RYR3: variants seen among roughly 807,000 people sequenced by gnomAD.
RYR3 encodes ryanodine receptor 3, also known as brain ryanodine receptor-calcium release channel.
Under a neutral mutation model 584.3 loss-of-function variants are expected in RYR3, and 207 were observed. The observed-to-expected ratio is 0.35, with a 90% CI of 0.32 to 0.40. The LOEUF (loss-of-function observed/expected upper bound fraction) is 0.40, where lower values mean the gene tolerates loss of function less well. Ranked by LOEUF, RYR3 falls within the 10% of genes least tolerant of loss-of-function variation. The pLI is 1.00. For synonymous variants in RYR3, 2,416 were observed against 2,248.5 expected (o/e 1.07, Z -2.11); for missense variants, 5,616 against 6,089.2 (o/e 0.92, Z 2.59).
chr15:33,527,145 T>C (rs915149694), intron 3 of RYR3, among the ~76,000 whole-genome samples: 1 of 152,102 alleles, frequency 6.6e-6, no homozygotes, highest in Admixed American at 6.5e-5. Flanking sequence ...GGCAGTGATA[T>C]GCAAACTACA....
rs759994228 is a variant in RYR3 at position 33,825,561 on chromosome 15, C to A, written c.11073-42C>A. The A allele has an allele frequency of 1.9e-5, 25 of 1,299,822 alleles. No homozygotes were observed. The Admixed American group carries it at 4.3e-4, about 22-fold the overall frequency. 80.5% of individuals were successfully genotyped at this position (1,299,822 alleles called of 1,614,324 possible). ...TAACATTAGAAATCTGCTTTCCCAGCGTGCGTAGCCCTGAACCTTGTTTCT... is the reference window on the plus strand; with the variant it reads ...TAACATTAGAAATCTGCTTTCCCAGAGTGCGTAGCCCTGAACCTTGTTTCT... On this transcript the variant is annotated intron_variant, in intron 81 of 103. Transcript: ENST00000634891.
intron 94 of RYR3, chr15:33,849,804 G>A (rs2078971765): frequency 6.6e-6 from 1 of 152,156 alleles, no homozygotes; most frequent in African/African-American, 2.4e-5. Flanking sequence ...TACAACTAAG[G>A]ATATTTATTT....
intron 1 of RYR3, among the ~76,000 whole-genome samples, chr15:33,444,533 A>G (rs2046471348): frequency 6.6e-6 from 1 of 152,178 alleles, no homozygotes; most frequent in African/African-American, 2.4e-5. Flanking sequence ...CCTGCCCTCA[A>G]GGAGTTTACA....
At chr15:33,669,503 C>A in intron 37 of RYR3, 47 bp downstream of exon 37, 1 of 1,536,138 alleles carries the variant, frequency 6.5e-7, no homozygotes, top group Non-Finnish European at 9.0e-7. Context: ...CAAGAAGAGT[C>A]TGTTTTTGAT....
At chr15:33,437,201 A>G (rs1041712267) in intron 1 of RYR3, among the ~76,000 whole-genome samples, 1 of 152,000 alleles carries the variant, frequency 6.6e-6, no homozygotes, top group African/African-American at 2.4e-5. Flanking sequence ...ATAGTGGCCT[A>G]TTAAGCCTGG....
At chr15:33,476,345 A>C (rs2049378204) in intron 2 of RYR3, among the ~76,000 whole-genome samples, 1 of 152,216 alleles carries the variant, frequency 6.6e-6, no homozygotes, top group Non-Finnish European at 1.5e-5. Flanking sequence ...CCACTTAACT[A>C]AGTGATTGTT....
At chr15:33,693,801 G>C (rs2065626145) in intron 38 of RYR3, among the ~76,000 whole-genome samples, 1 of 152,214 alleles carries the variant, frequency 6.6e-6, no homozygotes, top group African/African-American at 2.4e-5. Context: ...CACTATCAGA[G>C]GATGAGTTTG....
intron 13 of RYR3, 95 bp downstream of exon 13, chr15:33,580,239 G>A: frequency 1.0e-6 from 1 of 992,100 alleles, no homozygotes; most frequent in Non-Finnish European, 1.5e-6. Context: ...GCATGCACGT[G>A]TTTATGAGAG....
intron 67 of RYR3, among the ~76,000 whole-genome samples, chr15:33,794,348 A>ACATATATAACATATATATATGTGTAT (rs369625654): frequency 6.9e-5 from 4 of 58,308 alleles, no homozygotes; most frequent in African/African-American, 2.1e-4. Context: ...TATATATAAA[A>ACATATATAACATATATATATGTGTAT]ATATATATAT....
In RYR3 at chr15:33,722,766, G is replaced by A. The variant is rs776894612; in HGVS notation, c.6671G>A (p.Arg2224His). 2.7e-5 allele frequency: 44 copies of A among 1,613,206 alleles called. No homozygotes were observed. The highest frequency in any genetic ancestry group is 8.8e-5 in the South Asian group (8 of 90,906). The change falls in exon 44 of 104, where the codon CGC becomes CAC. Residue 2224 changes from arginine (R) to histidine (H), a missense_variant. Transcript: ENST00000634891. ...ASVVVKLLIR[R>H]PECFGPALRG... The stretch of plus-strand genomic sequence containing the variant: ...GTTGTGGTCAAGCTGCTCATCAGAC[G>A]CCCAGAGTGCTTCGGCCCGGCCCTG...
chr15:33,563,832 C>A (rs2057548340), intron 11 of RYR3, among the ~76,000 whole-genome samples: 1 of 151,992 alleles, frequency 6.6e-6, no homozygotes, highest in African/African-American at 2.4e-5. Flanking sequence ...TAAGGCAACA[C>A]AGACTAGGAA....
rs757752048 is a variant in RYR3, at chr15:33,788,346, G to T, written c.9718G>T (p.Gly3240Cys). Residue 3240 changes from glycine (G) to cysteine (C), a missense_variant, in exon 67 of 104, where the codon GGC becomes TGC. Gly to Cys is a radical substitution (Grantham distance 159). This residue lies in a region of RYR3 where 954 missense variants were observed against 1,132.2 expected (regional missense o/e 0.84). Transcript: ENST00000634891. The stretch of plus-strand genomic sequence containing the variant: ...GGAGGAGGAGCAGTTGAAAGCCGAT[G>T]GCAAAGGGGACACCCAGGAGGCAGA... ...VQEEEQLKAD[G>C]KGDTQEAELL... 2 of 1,613,964 alleles carry T rather than the reference G, an allele frequency of 1.2e-6. No individual in the cohort carries two copies. Among genetic ancestry groups the T allele is most frequent in the Admixed American group, 3.3e-5 (2 of 60,024 alleles).
At chr15:33,414,391 G>A (rs1212842846) in intron 1 of RYR3, among the ~76,000 whole-genome samples, 3 of 152,230 alleles carry the variant, frequency 2.0e-5, no homozygotes, top group South Asian at 2.1e-4. Context: ...GAGAAAAAAA[G>A]ACTGTGCTGA....
intron 1 of RYR3, among the ~76,000 whole-genome samples, chr15:33,356,815 C>G (rs770694658): frequency 6.6e-6 from 1 of 152,152 alleles, no homozygotes; most frequent in Non-Finnish European, 1.5e-5. Flanking sequence ...GCATTTAACT[C>G]TCCTCTAATG....
In RYR3 at chr15:33,810,959, C is replaced by G. The variant is rs757860669; in HGVS notation, c.10198-19C>G. ...CCATGGTGATCTCCGGGAATAAAAT[C>G]TGACATCTCTTTCCACAGAGGGACA... On this transcript the variant is annotated intron_variant, in intron 71 of 103. Transcript: ENST00000634891. The G allele has an allele frequency of 6.3e-7, 1 of 1,597,106 alleles. No individual in the cohort carries two copies. The highest frequency in any genetic ancestry group is 1.3e-5 in the African/African-American group (1 of 74,636).
intron 1 of RYR3, among the ~76,000 whole-genome samples, chr15:33,338,720 T>C (rs923840870): frequency 1.3e-5 from 2 of 152,218 alleles, no homozygotes; most frequent in Admixed American, 1.3e-4. Context: ...GCCTTTAGGG[T>C]CCCCAAATTT....
At chr15:33,668,276 C>G (rs2063608536) in intron 36 of RYR3, among the ~76,000 whole-genome samples, 1 of 152,156 alleles carries the variant, frequency 6.6e-6, no homozygotes. Flanking sequence ...GGGATTGTGC[C>G]ACTGCACTCC....
intron 28 of RYR3, among the ~76,000 whole-genome samples, chr15:33,645,537 A>G (rs1001710002): frequency 2.0e-5 from 3 of 152,168 alleles, no homozygotes; most frequent in African/African-American, 7.2e-5. Context: ...ACTTTAGAAA[A>G]GTGACTCTTA....
At chr15:33,492,737 A>G (rs1457738863) in intron 2 of RYR3, among the ~76,000 whole-genome samples, 3 of 152,096 alleles carry the variant, frequency 2.0e-5, no homozygotes, top group Non-Finnish European at 4.4e-5. Flanking sequence ...TGCCGATTGC[A>G]CCTGAGGAGA....
Sources: allele counts gnomAD v4.1 joint callset (sites outside exome capture counted in the v4.1 genomes callset), GRCh38; gene constraint gnomAD v4.1.1; regional missense constraint gnomAD v4.1.1; transcripts MANE v1.5; gene names NCBI Gene and HGNC (gene_info 2026-07-23, HGNC 2026-07-21).